Variants in BAZ2B observed in about 807,000 individuals in gnomAD.
BAZ2B encodes bromodomain adjacent to zinc finger domain 2B.
A neutral mutation model predicts 246.0 loss-of-function variants in BAZ2B; 91 were observed. The observed-to-expected ratio is 0.37, with a 90% CI of 0.31 to 0.44. BAZ2B has a LOEUF of 0.44. Among genes scored for constraint, BAZ2B ranks in the 20% least tolerant of loss-of-function variants. The pLI is 1.00. For synonymous variants in BAZ2B, 855 were observed against 860.0 expected (o/e 0.99, Z 0.10); for missense variants, 2,332 against 2,533.7 (o/e 0.92, Z 1.71).
At chr2:159,468,182 T>G (rs1283525944) in intron 3 of BAZ2B, among the ~76,000 whole-genome samples, 1 of 152,190 alleles carries the variant, frequency 6.6e-6, no homozygotes, top group Non-Finnish European at 1.5e-5. Context: ...TCTGCTGGGT[T>G]TGATGTATTT....
the BAZ2B span, among the ~76,000 whole-genome samples, chr2:159,686,846 C>G: frequency 2.1e-4 from 32 of 151,834 alleles, no homozygotes; most frequent in Non-Finnish European, 3.5e-4. Context: ...ATCGAGACCA[C>G]CCTGGCTAAC....
chr2:159,642,161 C>T, the BAZ2B span, among the ~76,000 whole-genome samples: 5 of 151,562 alleles, frequency 3.3e-5, no homozygotes, highest in South Asian at 2.1e-4. Flanking sequence ...TGAATTTTGA[C>T]GAGAATGTTT....
chr2:159,425,704 A>T (rs2069702139), intron 13 of BAZ2B, among the ~76,000 whole-genome samples: 1 of 152,246 alleles, frequency 6.6e-6, no homozygotes, highest in Non-Finnish European at 1.5e-5. Context: ...ACGTATGATC[A>T]TCACTGCATG....
chr2:159,628,391 T>C, the BAZ2B span, among the ~76,000 whole-genome samples: 5 of 152,078 alleles, frequency 3.3e-5, no homozygotes, highest in Non-Finnish European at 5.9e-5. Context: ...AACAAAGCTG[T>C]AGGCGTCACG....
intron 2 of BAZ2B, among the ~76,000 whole-genome samples, chr2:159,534,697 C>A (rs183329832): frequency 6.6e-6 from 1 of 151,818 alleles, no homozygotes; most frequent in East Asian, 1.9e-4. Context: ...GCGCCCACCT[C>A]TCAGGTTCAA....
At chr2:159,422,162 T>C (rs540082839) in intron 13 of BAZ2B, among the ~76,000 whole-genome samples, 6 of 152,286 alleles carry the variant, frequency 3.9e-5, no homozygotes, top group African/African-American at 1.2e-4. Context: ...AAAATGGCCA[T>C]ATTGCCCAAA....
chr2:159,519,994 A>T (rs2083954790), intron 2 of BAZ2B, among the ~76,000 whole-genome samples: 1 of 151,824 alleles, frequency 6.6e-6, no homozygotes, highest in South Asian at 2.1e-4. Flanking sequence ...AGTTTGCATC[A>T]ATTTAGATTC....
intron 3 of BAZ2B, among the ~76,000 whole-genome samples, chr2:159,477,164 G>T (rs942815335): frequency 6.6e-6 from 1 of 152,050 alleles, no homozygotes; most frequent in African/African-American, 2.4e-5. Flanking sequence ...AATTGGCTAG[G>T]TGTGGTGGTG....
chr2:159,346,127 G>A (rs577881317), intron 31 of BAZ2B, among the ~76,000 whole-genome samples: 59 of 152,276 alleles, frequency 3.9e-4, no homozygotes, highest in African/African-American at 1.3e-3. Context: ...ATAGAACCTG[G>A]AGGAGGAGAC....
intron 30 of BAZ2B, among the ~76,000 whole-genome samples, chr2:159,347,932 A>G (rs2058114590): frequency 6.6e-6 from 1 of 152,218 alleles, no homozygotes; most frequent in Non-Finnish European, 1.5e-5. Flanking sequence ...GCATTAAGAT[A>G]TCATTTCTCT....
intron 34 of BAZ2B, 69 bp from the exon 35 acceptor site, chr2:159,325,987 A>C (rs895517019): frequency 1.8e-4 from 235 of 1,315,892 alleles, no homozygotes; most frequent in Non-Finnish European, 2.3e-4. Context: ...ATTTTAAATT[A>C]TGAAAGTCTG....
rs1215296131 is a variant in BAZ2B, at chr2:159,382,600, CTTT to C, written c.3961_3963del (p.Lys1321del). The C allele has an allele frequency of 6.4e-7, 1 of 1,554,142 alleles. No homozygotes were observed. The highest frequency in any genetic ancestry group is 8.7e-7 in the Non-Finnish European group (1 of 1,147,746). On this transcript the variant is annotated inframe_deletion, in exon 25 of 37. Coordinates refer to ENST00000392783, the MANE Select transcript of BAZ2B (RefSeq NM_013450.4). ...TCAGTCTTTTTTCCTTTTTTGTCTT[CTTT>C]ATCTTCTTCATCCTCATCATCTTCA...
intron 6 of BAZ2B, among the ~76,000 whole-genome samples, chr2:159,439,827 T>C (rs2073055925): frequency 6.6e-6 from 1 of 152,130 alleles, no homozygotes; most frequent in Non-Finnish European, 1.5e-5. Context: ...GGAATTTAAC[T>C]GTTTATGTTT....
Position 159,386,357 on chromosome 2 carries a change from T to G in BAZ2B, c.3467A>C (p.Tyr1156Ser). ...TTATATTTTGTTTTTTTTTACCTTG[T>G]ATCCTGTTATTAGACCTGGATCACA... ...AVCDPGLITGYKAKTALGEHL... is the reference protein window; with the variant it reads ...AVCDPGLITGSKAKTALGEHL... Residue 1156 changes from tyrosine to serine, a missense_variant, in exon 22 of 37, where the codon TAC (tyrosine) becomes TCC (serine). Physicochemically the swap from Tyr to Ser is moderately radical, Grantham distance 144. Around this residue, in one of 9 missense-constraint regions of BAZ2B, gnomAD observed 328 missense variants for 410.4 expected, o/e 0.80. Transcript: ENST00000392783. 1 of 1,609,358 alleles carries G rather than the reference T, an allele frequency of 6.2e-7. No individual in the cohort carries two copies. The highest frequency in any genetic ancestry group is 8.5e-7 in the Non-Finnish European group (1 of 1,178,444).
chr2:159,537,946 T>G (rs2086218738), intron 2 of BAZ2B, among the ~76,000 whole-genome samples: 1 of 152,204 alleles, frequency 6.6e-6, no homozygotes, highest in Non-Finnish European at 1.5e-5. Context: ...GAAATTGTCT[T>G]CTGTAGGAAG....
At chr2:159,370,538 T>C (rs2060732921) in intron 27 of BAZ2B, among the ~76,000 whole-genome samples, 3 of 150,804 alleles carry the variant, frequency 2.0e-5, no homozygotes. Flanking sequence ...GCCCGGCTAA[T>C]GTTTTTTGTA....
chr2:159,383,553 G>T, intron 24 of BAZ2B, 53 bp downstream of exon 24: 1 of 1,447,364 alleles, frequency 6.9e-7, no homozygotes, highest in East Asian at 2.3e-5. Context: ...TGCTTTACTG[G>T]GAATTTGTAG....
intron 1 of BAZ2B, among the ~76,000 whole-genome samples, chr2:159,604,467 A>AAT (rs1470336320): frequency 2.0e-5 from 3 of 152,288 alleles, no homozygotes; most frequent in African/African-American, 7.2e-5. Flanking sequence ...TTGATACTCA[A>AAT]ATAGTTTTAA....
At chr2:159,341,115 C>G (rs969050577) in intron 31 of BAZ2B, among the ~76,000 whole-genome samples, 1 of 151,916 alleles carries the variant, frequency 6.6e-6, no homozygotes, top group African/African-American at 2.4e-5. Flanking sequence ...CTATATGCTG[C>G]CTATAAGAAA....
Sources: allele counts gnomAD v4.1 joint callset (sites outside exome capture counted in the v4.1 genomes callset), GRCh38; gene constraint gnomAD v4.1.1; regional missense constraint gnomAD v4.1.1; transcripts MANE v1.5; gene names NCBI Gene and HGNC (gene_info 2026-07-23, HGNC 2026-07-21).